GRID2: variants seen among roughly 807,000 people sequenced by gnomAD.
GRID2 encodes glutamate ionotropic receptor delta type subunit 2.
A neutral mutation model predicts 114.8 loss-of-function variants in GRID2; 33 were observed. The ratio of observed to expected loss-of-function variants is 0.29; its 90% CI spans 0.22 to 0.38. The LOEUF is 0.38. Among genes scored for constraint, GRID2 ranks in the 10% least tolerant of loss-of-function variants. The probability of loss-of-function intolerance (pLI) is 1.00; values close to 1 mark genes in which losing one functional copy is unlikely to be tolerated. For synonymous variants in GRID2, 505 were observed against 449.9 expected (o/e 1.12, Z -1.55); for missense variants, 1,184 against 1,257.7 (o/e 0.94, Z 0.89).
intron 2 of GRID2, among the ~76,000 whole-genome samples, chr4:92,972,321 C>T (rs1039953793): frequency 6.6e-6 from 1 of 151,414 alleles, no homozygotes; most frequent in African/African-American, 2.4e-5. Flanking sequence ...TTTCCCTATA[C>T]TTGTTGGCCA....
intron 13 of GRID2, among the ~76,000 whole-genome samples, chr4:93,581,378 G>A (rs1000722788): frequency 2.0e-5 from 3 of 151,966 alleles, no homozygotes; most frequent in Non-Finnish European, 4.4e-5. Context: ...CAGAACTCAA[G>A]GTATATCCAG....
At chr4:93,470,885 A>C (rs1165820284) in intron 11 of GRID2, among the ~76,000 whole-genome samples, 1 of 152,000 alleles carries the variant, frequency 6.6e-6, no homozygotes, top group African/African-American at 2.4e-5. Flanking sequence ...AAAATAGTAC[A>C]TTGTTATATT....
chr4:92,951,788 C>T (rs1192460078), intron 2 of GRID2, among the ~76,000 whole-genome samples: 3 of 152,016 alleles, frequency 2.0e-5, no homozygotes, highest in Non-Finnish European at 2.9e-5. Context: ...ATTTTCTATC[C>T]TTTCTAAATT....
At chr4:92,500,373 AAG>A (rs1332289425) in intron 1 of GRID2, among the ~76,000 whole-genome samples, 34 of 151,946 alleles carry the variant, frequency 2.2e-4, no homozygotes, top group African/African-American at 8.0e-4. Context: ...CTATCTACAA[AAG>A]TTAAATTCTT....
chr4:93,647,667 G>A (rs1226284207), intron 14 of GRID2, among the ~76,000 whole-genome samples: 2 of 150,926 alleles, frequency 1.3e-5, no homozygotes, highest in Non-Finnish European at 3.0e-5. Flanking sequence ...ACCACGGACT[G>A]AGCAGATCCA....
chr4:93,807,139 T>G (rs984399740), exon 2 of GRID2: 1 of 152,254 alleles, frequency 6.6e-6, no homozygotes, highest in Non-Finnish European at 1.5e-5. Context: ...AGAAGGATGC[T>G]TCTATGCAGT....
chr4:93,148,410 A>G (rs1447849258), intron 4 of GRID2, among the ~76,000 whole-genome samples: 2 of 152,140 alleles, frequency 1.3e-5, no homozygotes, highest in Admixed American at 6.6e-5. Context: ...AAATAATCTG[A>G]TCATGAAATA....
intron 2 of GRID2, among the ~76,000 whole-genome samples, chr4:92,863,007 A>T (rs115153563): frequency 6.6e-6 from 1 of 152,008 alleles, no homozygotes; most frequent in Admixed American, 6.6e-5. Context: ...CTCGGCACTT[A>T]CCCATTTAGT....
At chr4:93,405,501 A>C (rs1416013936) in intron 9 of GRID2, among the ~76,000 whole-genome samples, 3 of 152,238 alleles carry the variant, frequency 2.0e-5, no homozygotes, top group Middle Eastern at 3.4e-3. Context: ...CAATGAGTAA[A>C]TATTTCAGAG....
chr4:92,705,701 C>G (rs749304288), intron 2 of GRID2, among the ~76,000 whole-genome samples: 16 of 152,198 alleles, frequency 1.1e-4, no homozygotes, highest in Non-Finnish European at 2.2e-4. Context: ...TCAGCTATTA[C>G]ATTTTCAATC....
intron 1 of GRID2, among the ~76,000 whole-genome samples, chr4:92,569,905 A>T (rs1727526563): frequency 6.6e-6 from 1 of 152,026 alleles, no homozygotes; most frequent in African/African-American, 2.4e-5. Context: ...CCCATTCTGT[A>T]GGTGGTATTT....
At chr4:92,639,472 A>G (rs1731239588) in intron 2 of GRID2, among the ~76,000 whole-genome samples, 1 of 151,830 alleles carries the variant, frequency 6.6e-6, no homozygotes, top group Admixed American at 6.6e-5. Flanking sequence ...AAAATGCTAT[A>G]AACGTTAGAC....
intron 14 of GRID2, among the ~76,000 whole-genome samples, chr4:93,627,958 G>T (rs185197057): frequency 3.8e-4 from 58 of 152,286 alleles, no homozygotes; most frequent in Admixed American, 5.9e-4. Context: ...TGGATCACTT[G>T]AGGCCAGGAG....
intron 14 of GRID2, among the ~76,000 whole-genome samples, chr4:93,679,218 G>A (rs1725249834): frequency 6.6e-6 from 1 of 151,200 alleles, no homozygotes; most frequent in East Asian, 1.9e-4. Flanking sequence ...AATTCAACAG[G>A]AAGAGCTAAC....
intron 1 of GRID2, among the ~76,000 whole-genome samples, chr4:92,350,367 G>A (rs573053544): frequency 6.6e-6 from 1 of 151,314 alleles, no homozygotes; most frequent in African/African-American, 2.4e-5. Flanking sequence ...AGTCTTTCTG[G>A]ATACTTATTT....
chr4:93,700,657 T>A (rs1727429117), intron 14 of GRID2, among the ~76,000 whole-genome samples: 1 of 152,144 alleles, frequency 6.6e-6, no homozygotes, highest in African/African-American at 2.4e-5. Flanking sequence ...CTAAGGCAAT[T>A]TTATCTGAGG....
intron 13 of GRID2, among the ~76,000 whole-genome samples, chr4:93,519,041 T>C (rs955707623): frequency 6.6e-6 from 1 of 152,178 alleles, no homozygotes; most frequent in African/African-American, 2.4e-5. Flanking sequence ...CCTAAAAATA[T>C]AGACTCTTAT....
chr4:93,578,587 ATTTT>A (rs59397408), intron 13 of GRID2, among the ~76,000 whole-genome samples: 6 of 83,920 alleles, frequency 7.1e-5, no homozygotes, highest in African/African-American at 2.6e-4. Flanking sequence ...TGTTTTTTGT[ATTTT>A]TTTTTTTTTT....
chr4:93,245,974 C>T (rs1748158353), intron 8 of GRID2, among the ~76,000 whole-genome samples: 2 of 152,184 alleles, frequency 1.3e-5, no homozygotes. Context: ...GTGAAAGTAA[C>T]TTGATTTTAG....
Sources: gnomAD v4.1 joint callset for allele counts (sites outside exome capture counted in the v4.1 genomes callset) on GRCh38, gnomAD v4.1.1 for gene constraint, MANE v1.5 for transcripts, NCBI Gene and HGNC (gene_info 2026-07-23, HGNC 2026-07-21) for gene names.